SNX31: variants seen among roughly 807,000 people sequenced by gnomAD.
The protein encoded by SNX31 is sorting nexin-31.
In SNX31, 58 loss-of-function variants were observed where a neutral mutation model predicts 65.4. That is an observed-to-expected ratio of 0.89 (90% CI 0.72 to 1.10). The LOEUF (loss-of-function observed/expected upper bound fraction) is 1.10, where lower values mean the gene tolerates loss of function less well. SNX31 is among the 50% of genes least tolerant of loss of function. SNX31 has a pLI of 0.00. For synonymous variants in SNX31, 181 were observed against 190.1 expected, an observed-to-expected ratio of 0.95 and a Z score of 0.39; for missense variants, 523 against 529.7, an observed-to-expected ratio of 0.99 and a Z score of 0.12.
intron 5 of SNX31, among the ~76,000 whole-genome samples, chr8:100,616,890 T>C (rs893874335): frequency 4.6e-5 from 7 of 152,224 alleles, no homozygotes; most frequent in Non-Finnish European, 8.8e-5. Context: ...CTCTTCTTCA[T>C]GTTTATAACT....
intron 8 of SNX31, among the ~76,000 whole-genome samples, 161 bp downstream of exon 8, chr8:100,608,333 C>G (rs1295614082): frequency 6.6e-6 from 1 of 152,040 alleles, no homozygotes; most frequent in Non-Finnish European, 1.5e-5. Context: ...TTCTCCACCC[C>G]CCACAGCCCC....
chr8:100,639,645 T>C (rs1055304800), intron 2 of SNX31, among the ~76,000 whole-genome samples: 16 of 152,168 alleles, frequency 1.1e-4, no homozygotes, highest in African/African-American at 3.9e-4. Flanking sequence ...TATAGAAATA[T>C]TTATTCATGT....
intron 1 of SNX31, among the ~76,000 whole-genome samples, chr8:100,654,714 G>A (rs1820029389): frequency 6.6e-6 from 1 of 152,144 alleles, no homozygotes; most frequent in African/African-American, 2.4e-5. Context: ...AGATGAAGAT[G>A]GAAAAAGTAA....
intron 3 of SNX31, among the ~76,000 whole-genome samples, chr8:100,633,936 G>C (rs187195407): frequency 1.8e-4 from 27 of 152,254 alleles, no homozygotes; most frequent in African/African-American, 5.3e-4. Context: ...AGTTCAATTT[G>C]TGTTGAGCAA....
chr8:100,585,089 C>T (rs538531031), intron 11 of SNX31, among the ~76,000 whole-genome samples: 7 of 152,244 alleles, frequency 4.6e-5, no homozygotes, highest in Non-Finnish European at 1.0e-4. Context: ...CTTCACTATC[C>T]TTCGTGGCTA....
At chr8:100,598,356 T>A (rs755066202) in intron 9 of SNX31, among the ~76,000 whole-genome samples, 1 of 152,148 alleles carries the variant, frequency 6.6e-6, no homozygotes, top group Non-Finnish European at 1.5e-5. Context: ...AGACAGAGAG[T>A]AGTGTCATGC....
At chr8:100,637,098 GA>G (rs1349554981) in intron 2 of SNX31, among the ~76,000 whole-genome samples, 2 of 152,144 alleles carry the variant, frequency 1.3e-5, no homozygotes, top group African/African-American at 4.8e-5. Context: ...ATCCCAAGTA[GA>G]AACCAGCCAG....
intron 4 of SNX31, among the ~76,000 whole-genome samples, chr8:100,621,204 C>G (rs945785170): frequency 6.6e-6 from 1 of 152,120 alleles, no homozygotes; most frequent in Middle Eastern, 3.2e-3. Flanking sequence ...GTGGCAGAGG[C>G]AAAACTCAAG....
At chr8:100,653,287 T>A (rs1411802343), upstream of SNX31, among the ~76,000 whole-genome samples, 1 of 152,210 alleles carries the variant, frequency 6.6e-6, no homozygotes, top group Non-Finnish European at 1.5e-5. Context: ...GGTTCTAAAA[T>A]GTCCATGGTT....
At position 100,648,794 on chromosome 8, in the gene SNX31, G is replaced by C. The variant is rs36030689; in HGVS notation, c.141+480C>G. The stretch of plus-strand genomic sequence containing the variant: ...TCATGGCCATTCAAAAACAAAACTA[G>C]AGACACACCTTTTTAAAGGGGGCAA... On this transcript the variant is annotated intron_variant, in intron 2 of 13. Coordinates refer to ENST00000311812, the MANE Select transcript of SNX31 (RefSeq NM_152628.4). This position sits in a 1 kb window ranked among gnomAD's most constrained non-coding sequence, Gnocchi z 4.3. 0.15 allele frequency among the ~76,000 whole-genome samples: 22,792 copies of C among 152,172 alleles called. 2,175 individuals carry two copies. The highest frequency in any genetic ancestry group is 0.25 in the East Asian group (1,300 of 5,164).
chr8:100,582,544 G>A (rs971643238), intron 12 of SNX31: 1 of 152,124 alleles, frequency 6.6e-6, no homozygotes, highest in Non-Finnish European at 1.5e-5. Context: ...CCTGGAAAAG[G>A]TACGTTCAGT....
At position 100,587,461 on chromosome 8, in the gene SNX31, A is replaced by T. The variant is rs113531550; in HGVS notation, c.1092+1405T>A. Among the ~76,000 whole-genome samples, 525 of 152,368 alleles carry T rather than the reference A, an allele frequency of 3.4e-3. 7 individuals are homozygous for T. Among genetic ancestry groups the T allele is most frequent in the Middle Eastern group, 0.01 (3 of 294 alleles). On this transcript the variant is annotated intron_variant, in intron 11 of 13. Transcript: ENST00000311812. The stretch of plus-strand genomic sequence containing the variant: ...CACAGGTTTCACAGCTGATACAGGT[A>T]TTCCAGTGATGCTATTGTGCTGATT...
intron 2 of SNX31, among the ~76,000 whole-genome samples, chr8:100,640,960 T>C (rs771404093): frequency 6.6e-6 from 1 of 152,216 alleles, no homozygotes; most frequent in Non-Finnish European, 1.5e-5. Context: ...AATAAGAATG[T>C]ATCAATACTG....
At chr8:100,641,066 G>C (rs1819137284) in intron 2 of SNX31, among the ~76,000 whole-genome samples, 1 of 147,268 alleles carries the variant, frequency 6.8e-6, no homozygotes, top group African/African-American at 2.5e-5. Context: ...TATCTTTTCT[G>C]AAAACTAAAA....
chr8:100,611,925 C>T (rs749853200), intron 7 of SNX31, 75 bp downstream of exon 7: 302 of 1,145,778 alleles, frequency 2.6e-4, no homozygotes, highest in Non-Finnish European at 3.6e-4. Flanking sequence ...CAGGATGTGA[C>T]GGGACTCTGG....
intron 1 of SNX31, among the ~76,000 whole-genome samples, chr8:100,655,685 G>A (rs1187922561): frequency 6.6e-6 from 1 of 152,172 alleles, no homozygotes; most frequent in South Asian, 2.1e-4. Context: ...TTTATCAGCA[G>A]GAGTTTGTTG....
At chr8:100,605,504 T>C (rs1243717161) in intron 8 of SNX31, among the ~76,000 whole-genome samples, 1 of 152,164 alleles carries the variant, frequency 6.6e-6, no homozygotes, top group African/African-American at 2.4e-5. Context: ...TGCCAGGCAA[T>C]GAGCTAAGGT....
At position 100,660,002 on chromosome 8, in the gene SNX31, G is replaced by A. The variant is rs1225985854; in HGVS notation, c.-58+3140C>T. Among the ~76,000 whole-genome samples, 1 of 151,892 alleles carries A rather than the reference G, an allele frequency of 6.6e-6. No homozygotes were observed. The highest frequency in any genetic ancestry group is 2.4e-5 in the African/African-American group (1 of 41,322). ...ATAATGAAAAAGATAATAATAGAAG[G>A]ATTAACAATAGATAGAAAAATGACT... On this transcript the variant is annotated intron_variant, in intron 1 of 5. Coordinates refer to the SNX31 transcript ENST00000520352. The surrounding 1 kb of genome is among the most constrained non-coding windows in gnomAD (Gnocchi z 4.1).
At chr8:100,574,996 C>A (rs1007374928) in intron 13 of SNX31, among the ~76,000 whole-genome samples, 8 of 152,038 alleles carry the variant, frequency 5.3e-5, no homozygotes, top group Non-Finnish European at 1.0e-4. Context: ...TACCGCAAAT[C>A]TTTAAAGAGT....
Sources: gnomAD v4.1 joint callset for allele counts (sites outside exome capture counted in the v4.1 genomes callset) on GRCh38, gnomAD v4.1.1 for gene constraint, Gnocchi (gnomAD v3.1) non-coding constraint, MANE v1.5 for transcripts, NCBI Gene and HGNC (gene_info 2026-07-23, HGNC 2026-07-21) for gene names.